Variants in DENND1A observed in about 807,000 individuals in gnomAD.
DENND1A encodes DENN domain containing 1A.
Under a neutral mutation model 113.7 loss-of-function variants are expected in DENND1A, and 51 were observed. The ratio of observed to expected loss-of-function variants is 0.45; its 90% CI spans 0.36 to 0.57. The LOEUF is 0.57. Among genes scored for constraint, DENND1A ranks in the 20% least tolerant of loss-of-function variants. DENND1A has a pLI of 0.00. For missense variants in DENND1A, 1,258 were observed against 1,395.9 expected (o/e 0.90, Z 1.57); for synonymous variants, 565 against 570.8 (o/e 0.99, Z 0.14).
intron 19 of DENND1A, among the ~76,000 whole-genome samples, chr9:123,426,757 T>C (rs2063679231): frequency 6.6e-6 from 1 of 152,158 alleles, no homozygotes; most frequent in African/African-American, 2.4e-5. Flanking sequence ...ATTTAAAAGG[T>C]GAGAAATGTC....
intron 5 of DENND1A, among the ~76,000 whole-genome samples, chr9:123,747,469 T>C (rs975321515): frequency 1.3e-5 from 2 of 152,194 alleles, no homozygotes; most frequent in African/African-American, 4.8e-5. Flanking sequence ...AAAATCTCTA[T>C]GTGGTAGTTT....
chr9:123,676,609 C>T, intron 6 of DENND1A, 111 bp downstream of exon 6: 3 of 945,928 alleles, frequency 3.2e-6, no homozygotes, highest in East Asian at 2.7e-5. Flanking sequence ...CCCAAAATTC[C>T]TATAATGGGC....
intron 5 of DENND1A, among the ~76,000 whole-genome samples, chr9:123,754,259 AC>A (rs1429514275): frequency 6.6e-6 from 1 of 152,032 alleles, no homozygotes; most frequent in East Asian, 1.9e-4. Flanking sequence ...CTCTTGGCAG[AC>A]CTCTCCACTC....
chr9:123,562,780 C>G (rs553802236), intron 12 of DENND1A, among the ~76,000 whole-genome samples: 3 of 152,016 alleles, frequency 2.0e-5, no homozygotes, highest in Non-Finnish European at 4.4e-5. Context: ...GATGTCCCCC[C>G]ATCTGTGAAG....
chr9:123,898,393 G>A (rs994261439), intron 1 of DENND1A, among the ~76,000 whole-genome samples: 1 of 152,072 alleles, frequency 6.6e-6, no homozygotes. Flanking sequence ...GCAATGACAT[G>A]AACACAGCTT....
chr9:123,678,581 C>T (rs528073657), intron 5 of DENND1A, among the ~76,000 whole-genome samples: 2 of 152,132 alleles, frequency 1.3e-5, no homozygotes, highest in Non-Finnish European at 2.9e-5. Context: ...TACAGATTAC[C>T]GGCTGCGCCA....
chr9:123,553,965 C>T (rs1280968564), intron 13 of DENND1A, among the ~76,000 whole-genome samples: 2 of 152,150 alleles, frequency 1.3e-5, no homozygotes, highest in Non-Finnish European at 2.9e-5. Flanking sequence ...ACCACGTTGG[C>T]CAGGATGGTC....
At chr9:123,872,457 G>A (rs1846789873) in intron 2 of DENND1A, among the ~76,000 whole-genome samples, 2 of 152,136 alleles carry the variant, frequency 1.3e-5, no homozygotes, top group African/African-American at 4.8e-5. Context: ...ATTGGAGAGA[G>A]TGAGGAAAAC....
chr9:123,457,276 G>A (rs564982282), intron 15 of DENND1A, 72 bp downstream of exon 15: 1 of 1,177,688 alleles, frequency 8.5e-7, no homozygotes, highest in Non-Finnish European at 1.3e-6. Flanking sequence ...GCAAGTCACT[G>A]CCACTCCTTG....
chr9:123,855,161 A>G (rs1211739588), intron 2 of DENND1A, among the ~76,000 whole-genome samples: 1 of 151,312 alleles, frequency 6.6e-6, no homozygotes, highest in Non-Finnish European at 1.5e-5. Context: ...ATATTTTTAA[A>G]TATCTCTTCA....
intron 20 of DENND1A, among the ~76,000 whole-genome samples, chr9:123,406,230 A>G (rs992948737): frequency 6.6e-6 from 1 of 152,214 alleles, no homozygotes; most frequent in Admixed American, 6.5e-5. Context: ...TGGAGTGGCC[A>G]GTCTGATCTC....
chr9:123,648,191 C>T (rs1322604944), intron 9 of DENND1A, among the ~76,000 whole-genome samples: 1 of 152,084 alleles, frequency 6.6e-6, no homozygotes, highest in African/African-American at 2.4e-5. Flanking sequence ...GTGATCTTCC[C>T]GCCTCAGCAT....
chr9:123,490,323 C>T (rs991269415), intron 13 of DENND1A, among the ~76,000 whole-genome samples: 4 of 152,182 alleles, frequency 2.6e-5, no homozygotes, highest in Admixed American at 6.5e-5. Flanking sequence ...AGGTGGCTCA[C>T]GCCTGTAATC....
chr9:123,644,393 A>AC (rs1178497044), intron 9 of DENND1A, among the ~76,000 whole-genome samples: 1 of 151,602 alleles, frequency 6.6e-6, no homozygotes, highest in Non-Finnish European at 1.5e-5. Context: ...AAAAAAAAAA[A>AC]AAAAAAAAAC....
chr9:123,920,073 T>C (rs1855942217), intron 1 of DENND1A, among the ~76,000 whole-genome samples: 4 of 152,144 alleles, frequency 2.6e-5, no homozygotes, highest in Admixed American at 2.0e-4. Context: ...CTTTTATAGA[T>C]GTTTAAAATT....
chr9:123,538,740 ATGTGTGTGAG>A (rs1343761581), intron 13 of DENND1A, among the ~76,000 whole-genome samples: 2 of 119,684 alleles, frequency 1.7e-5, no homozygotes. Context: ...CCAGGCAATT[ATGTGTGTGAG>A]TGTGTGTGTG....
intron 5 of DENND1A, among the ~76,000 whole-genome samples, chr9:123,728,479 C>CA (rs60761810): frequency 0.15 from 3,845 of 25,080 alleles, 707 homozygotes; most frequent in East Asian, 0.25. Flanking sequence ...CTCTGTCTCC[C>CA]AAAAAAAAAA....
At chr9:123,554,813 A>T (rs1162018753) in intron 13 of DENND1A, among the ~76,000 whole-genome samples, 2 of 152,190 alleles carry the variant, frequency 1.3e-5, no homozygotes, top group Non-Finnish European at 2.9e-5. Flanking sequence ...TGGTACATAA[A>T]CTAATAGTAC....
Position 123,382,277 on chromosome 9 carries a change from C to A in DENND1A, c.2368G>T (p.Ala790Ser). 6.2e-7 allele frequency: 1 copy of A among 1,610,648 alleles called. No individual in the cohort carries two copies. Among genetic ancestry groups the A allele is most frequent in the Non-Finnish European group, 8.5e-7 (1 of 1,179,566 alleles). Residue 790 changes from alanine (A) to serine (S), a missense_variant, in exon 24 of 24, where the codon GCC (alanine) becomes TCC (serine). Physicochemically the swap from Ala to Ser is moderately conservative, Grantham distance 99. Transcript: ENST00000394215. ...CGCTCTGAGACGTCACCAAGTGCGG[C>A]GCCGGCAGCCTGGAGCTTGGCCGGG... Reference protein sequence around the residue: ...PRPAKLQAAGAALGDVSERLQ... With the variant: ...PRPAKLQAAGSALGDVSERLQ...
Sources: gnomAD v4.1 joint callset for allele counts (sites outside exome capture counted in the v4.1 genomes callset) on GRCh38, gnomAD v4.1.1 for gene constraint, MANE v1.5 for transcripts, NCBI Gene and HGNC (gene_info 2026-07-23, HGNC 2026-07-21) for gene names.